EPHA6: variants seen among roughly 807,000 people sequenced by gnomAD.
EPHA6 encodes the protein EPH receptor A6.
Under a neutral mutation model 112.0 loss-of-function variants are expected in EPHA6, and 50 were observed. The ratio of observed to expected loss-of-function variants is 0.45; its 90% CI spans 0.36 to 0.56. The LOEUF (loss-of-function observed/expected upper bound fraction) is 0.56. EPHA6 is among the 20% of genes least tolerant of loss of function. The pLI is 0.00. For synonymous variants in EPHA6, 529 were observed against 490.7 expected, an observed-to-expected ratio of 1.08 and a Z score of -1.03; for missense variants, 1,280 against 1,417.4, an observed-to-expected ratio of 0.90 and a Z score of 1.56.
intron 5 of EPHA6, among the ~76,000 whole-genome samples, chr3:97,264,239 AC>A (rs1216409650): frequency 6.6e-6 from 1 of 152,148 alleles, no homozygotes; most frequent in East Asian, 1.9e-4. Context: ...GGCTCATGCT[AC>A]CAGCCTGGAT....
chr3:97,610,617 A>G (rs1227072820), intron 12 of EPHA6, among the ~76,000 whole-genome samples, 176 bp from the exon 13 acceptor site: 1 of 151,756 alleles, frequency 6.6e-6, no homozygotes, highest in East Asian at 1.9e-4. Flanking sequence ...TAATGCTATA[A>G]AGAAATATAG....
At chr3:97,312,332 T>C (rs887501961) in intron 5 of EPHA6, among the ~76,000 whole-genome samples, 1 of 151,736 alleles carries the variant, frequency 6.6e-6, no homozygotes, top group African/African-American at 2.4e-5. Flanking sequence ...GTAGTGATAG[T>C]GGACATCCAT....
chr3:97,067,539 T>A (rs762678540), intron 3 of EPHA6, among the ~76,000 whole-genome samples: 16 of 116,748 alleles, frequency 1.4e-4, no homozygotes, highest in South Asian at 1.2e-3. Context: ...ATCAGGAAAA[T>A]ATATATATAT....
intron 2 of EPHA6, among the ~76,000 whole-genome samples, chr3:96,877,623 C>CA: frequency 6.6e-6 from 1 of 151,726 alleles, no homozygotes; most frequent in Non-Finnish European, 1.5e-5. Context: ...GTGAAACTTT[C>CA]AAAAAACACA....
chr3:97,505,402 T>C (rs2092223877), intron 10 of EPHA6, among the ~76,000 whole-genome samples: 1 of 149,406 alleles, frequency 6.7e-6, no homozygotes, highest in African/African-American at 2.4e-5. Flanking sequence ...TGTGATCTCA[T>C]TGTTCAACTC....
chr3:97,588,215 G>A (rs2107324776), intron 11 of EPHA6, among the ~76,000 whole-genome samples: 1 of 152,166 alleles, frequency 6.6e-6, no homozygotes, highest in South Asian at 2.1e-4. Context: ...ATACCCCCCT[G>A]CCCAATTTTG....
intron 3 of EPHA6, among the ~76,000 whole-genome samples, chr3:97,160,646 C>T (rs901905891): frequency 5.3e-5 from 8 of 152,130 alleles, no homozygotes; most frequent in Admixed American, 6.6e-5. Context: ...ATTTCCCTGT[C>T]ACCAATTTCC....
intron 3 of EPHA6, among the ~76,000 whole-genome samples, chr3:97,065,990 A>T (rs58077032): frequency 0.063 from 9,512 of 152,152 alleles, 679 homozygotes; most frequent in East Asian, 0.39. Context: ...TCTTTTTAAT[A>T]CAAGTTTACT....
intron 3 of EPHA6, among the ~76,000 whole-genome samples, chr3:97,075,691 T>C (rs2046494645): frequency 6.7e-6 from 1 of 148,602 alleles, no homozygotes; most frequent in African/African-American, 2.6e-5. Context: ...TTAATTGTGC[T>C]GCTCGGATAC....
intron 13 of EPHA6, among the ~76,000 whole-genome samples, chr3:97,623,402 T>C (rs2093829391): frequency 6.6e-6 from 1 of 151,728 alleles, no homozygotes; most frequent in South Asian, 2.1e-4. Flanking sequence ...TTTCAAAAAT[T>C]ATGTGACCAT....
chr3:96,883,385 G>C (rs1174696395), intron 2 of EPHA6, among the ~76,000 whole-genome samples: 1 of 152,120 alleles, frequency 6.6e-6, no homozygotes, highest in Admixed American at 6.5e-5. Context: ...TCTGCTGACT[G>C]TTCCCTTTTC....
intron 3 of EPHA6, among the ~76,000 whole-genome samples, chr3:97,106,347 A>G (rs2047567952): frequency 6.6e-6 from 1 of 151,932 alleles, no homozygotes; most frequent in Non-Finnish European, 1.5e-5. Context: ...AACCCTCAGA[A>G]TTTCCCCCAA....
intron 2 of EPHA6, among the ~76,000 whole-genome samples, chr3:96,876,284 A>G (rs766896680): frequency 6.6e-6 from 1 of 151,654 alleles, no homozygotes; most frequent in Non-Finnish European, 1.5e-5. Flanking sequence ...TGATAAATTT[A>G]CTCTTATTTT....
chr3:97,147,787 G>GT (rs1459290588), intron 3 of EPHA6, among the ~76,000 whole-genome samples: 1 of 152,052 alleles, frequency 6.6e-6, no homozygotes, highest in Non-Finnish European at 1.5e-5. Context: ...AGGAAAGACA[G>GT]TAACTGTCAC....
At chr3:97,074,059 G>C (rs907151895) in intron 3 of EPHA6, among the ~76,000 whole-genome samples, 1 of 127,388 alleles carries the variant, frequency 7.9e-6, no homozygotes, top group Non-Finnish European at 1.6e-5. Flanking sequence ...GAAGCATACT[G>C]TAAATGTATA....
At chr3:97,569,069 A>G (rs764544175) in intron 11 of EPHA6, among the ~76,000 whole-genome samples, 5 of 152,194 alleles carry the variant, frequency 3.3e-5, no homozygotes, top group Non-Finnish European at 7.3e-5. Context: ...ACTGCATTCT[A>G]TAAGAATAGA....
intron 14 of EPHA6, among the ~76,000 whole-genome samples, chr3:97,701,747 A>T (rs1197265253): frequency 6.6e-6 from 1 of 151,876 alleles, no homozygotes; most frequent in Non-Finnish European, 1.5e-5. Context: ...TGTATAGTAT[A>T]ATTTATACTT....
chr3:97,168,643 A>G (rs1479519075), intron 3 of EPHA6, among the ~76,000 whole-genome samples: 1 of 147,760 alleles, frequency 6.8e-6, no homozygotes, highest in African/African-American at 2.5e-5. Flanking sequence ...CCTGCCGGCC[A>G]TGTGAAGATG....
intron 3 of EPHA6, among the ~76,000 whole-genome samples, chr3:97,004,489 T>G (rs1310946163): frequency 1.3e-5 from 2 of 152,176 alleles, no homozygotes; most frequent in African/African-American, 4.8e-5. Flanking sequence ...ATGGGGTTGT[T>G]TGTCTTTTTC....
Sources: gnomAD v4.1 joint callset for allele counts (sites outside exome capture counted in the v4.1 genomes callset) on GRCh38, gnomAD v4.1.1 for gene constraint, MANE v1.5 for transcripts, NCBI Gene and HGNC (gene_info 2026-07-23, HGNC 2026-07-21) for gene names.